The following DHX30 variants were observed in gnomAD, a reference collection of about 807,000 sequenced individuals.
The protein encoded by DHX30 is DExH-box helicase 30, also known as ATP-dependent RNA helicase DHX30.
Under a neutral mutation model 116.9 loss-of-function variants are expected in DHX30, and 4 were observed. That is an observed-to-expected ratio of 0.03 (90% CI 0.02 to 0.08). The LOEUF (loss-of-function observed/expected upper bound fraction) is 0.08. DHX30 is among the 10% of genes least tolerant of loss of function. The pLI, the probability that DHX30 is intolerant of heterozygous loss-of-function variation, is 1.00. For synonymous variants in DHX30, 697 were observed against 651.7 expected (o/e 1.07, Z -1.06); for missense variants, 871 against 1,595.1 (o/e 0.55, Z 7.73).
rs529899508 is a variant in DHX30, at chr3:47,828,946, C to T, written c.256-78C>T. 7.2e-6 allele frequency: 6 copies of T among 835,986 alleles called. No individual in the cohort carries two copies. In the East Asian group the frequency reaches 1.1e-4, roughly 15 times the overall value. 51.8% of individuals were successfully genotyped at this position (835,986 alleles called of 1,614,324 possible). On this transcript the variant is annotated intron_variant, in intron 5 of 21. Transcript: ENST00000445061. ...AGGTCTGCTGCTGTGAGGTCCACCA[C>T]TGTTTATTTTCCATGTAATTTGCAA...
In DHX30 at chr3:47,849,045, C is replaced by T. The variant is rs753961518; in HGVS notation, c.2895C>T (p.Asn965=). Residue 965 remains asparagine (N), a synonymous_variant, in exon 18 of 22, where the codon AAC becomes AAT. Coordinates refer to ENST00000445061, the MANE Select transcript of DHX30 (RefSeq NM_138615.3). ...CCCGGGAGAATTACCTGGAGGAAAACCTGCTGTACGCACCCAGCCTGCGCT... is the reference window on the plus strand; with the variant it reads ...CCCGGGAGAATTACCTGGAGGAAAATCTGCTGTACGCACCCAGCCTGCGCT... ...RSSRENYLEE[N]LLYAPSLRFI... is the part of the protein sequence containing the mutation. 2.8e-5 allele frequency: 45 copies of T among 1,612,736 alleles called. No individual in the cohort carries two copies. Among genetic ancestry groups the T allele is most frequent in the Admixed American group, 1.3e-4 (8 of 59,884 alleles).
chr3:47,847,605 C>T lies in DHX30; in HGVS notation c.2110+69C>T. ...CTGACCTCTGTCCTAGGGACTGACC[C>T]AACTGGGACTCCAGGGGCCCCGGTT... On this transcript the variant is annotated intron_variant, in intron 13 of 21. Coordinates refer to ENST00000445061, the MANE Select transcript of DHX30 (RefSeq NM_138615.3). The surrounding 1 kb of genome is among the most constrained non-coding windows in gnomAD (Gnocchi z 5.5). The T allele has an allele frequency of 6.8e-7, 1 of 1,478,176 alleles. No homozygotes were observed. The highest frequency in any genetic ancestry group is 9.1e-7 in the Non-Finnish European group (1 of 1,101,822). 91.6% of individuals were successfully genotyped at this position (1,478,176 alleles called of 1,614,324 possible).
Position 47,821,418 on chromosome 3 carries a change from A to G in DHX30, c.124+3301A>G, listed in dbSNP as rs535466770. On this transcript the variant is annotated intron_variant, in intron 4 of 21. Transcript: ENST00000445061. ...GTACCGGGGAATACAGGCATGTGCC[A>G]CTATGCCTGGCTAATTTTTTGTATT... 2.0e-5 allele frequency among the ~76,000 whole-genome samples: 3 copies of G among 152,006 alleles called. No homozygotes were observed. The East Asian group carries it at 5.8e-4, about 29-fold the overall frequency.
intron 7 of DHX30, 74 bp from the exon 8 acceptor site, chr3:47,841,543 C>G (rs566223755): frequency 3.1e-6 from 5 of 1,603,082 alleles, no homozygotes; most frequent in Non-Finnish European, 4.3e-6. Context: ...CGTCCTCACC[C>G]CTACATCGCA....
intron 3 of DHX30, among the ~76,000 whole-genome samples, chr3:47,813,649 C>T (rs376359941): frequency 6.0e-4 from 92 of 152,286 alleles, no homozygotes; most frequent in East Asian, 1.9e-3. Flanking sequence ...CATAACAGAA[C>T]GTCTATAACT....
At chr3:47,803,418 G>A (rs1036411453) in intron 1 of DHX30, among the ~76,000 whole-genome samples, 9 of 152,084 alleles carry the variant, frequency 5.9e-5, no homozygotes, top group Non-Finnish European at 8.8e-5. Context: ...GCCAGGCCTC[G>A]GCCTGCCGTT....
chr3:47,803,728 G>A (rs1264683348), intron 1 of DHX30, among the ~76,000 whole-genome samples: 1 of 152,248 alleles, frequency 6.6e-6, no homozygotes, highest in African/African-American at 2.4e-5. Flanking sequence ...GGGAGGCCAA[G>A]GGGTGAGGTA....
At chr3:47,810,849 C>A in intron 3 of DHX30, 138 bp downstream of exon 3, 1 of 852,012 alleles carries the variant, frequency 1.2e-6, no homozygotes, top group Non-Finnish European at 1.9e-6. Flanking sequence ...TTCCTATAGC[C>A]TTCCTTTTGC....
chr3:47,826,645 C>T (rs1278602881), intron 4 of DHX30, among the ~76,000 whole-genome samples: 1 of 152,132 alleles, frequency 6.6e-6, no homozygotes, highest in Non-Finnish European at 1.5e-5. Flanking sequence ...CGAGGTTTCA[C>T]AAGGTTTCAC....
intron 4 of DHX30, chr3:47,819,320 C>A: frequency 5.2e-6 from 7 of 1,358,494 alleles, no homozygotes; most frequent in Non-Finnish European, 5.9e-6. Context: ...GACGGTTAGT[C>A]GGGGTTAACC....
chr3:47,816,638 G>A, intron 3 of DHX30: 5 of 985,486 alleles, frequency 5.1e-6, no homozygotes, highest in Non-Finnish European at 6.0e-6. Context: ...TTATAGGCGT[G>A]AGCCACCGCG....
chr3:47,834,607 C>T (rs1450713086), intron 6 of DHX30, among the ~76,000 whole-genome samples: 2 of 152,198 alleles, frequency 1.3e-5, no homozygotes, highest in East Asian at 3.9e-4. Flanking sequence ...GTAACTGAGA[C>T]TGCAGGTGTG....
At chr3:47,817,821 A>G (rs1161951881) in intron 3 of DHX30, among the ~76,000 whole-genome samples, 3 of 152,166 alleles carry the variant, frequency 2.0e-5, no homozygotes, top group Non-Finnish European at 2.9e-5. Context: ...AGGCTGTCAC[A>G]TATCACATCA....
In DHX30 at chr3:47,848,171, C is replaced by G; in HGVS notation, c.2287-9C>G. ...CATTTGTGTGCTGCTTACTTGCCAC[C>G]TCCTCCAGGTGTCCTGCCTGGAGAC... On this transcript the variant is annotated splice_polypyrimidine_tract_variant and intron_variant, in intron 14 of 21. Transcript: ENST00000445061. The surrounding 1 kb of genome is among the most constrained non-coding windows in gnomAD (Gnocchi z 9.4). 6.2e-7 allele frequency: 1 copy of G among 1,613,328 alleles called. No homozygotes were observed. Among genetic ancestry groups the G allele is most frequent in the Non-Finnish European group, 8.5e-7 (1 of 1,179,766 alleles).
At chr3:47,814,242 TG>T (rs1209502525) in intron 3 of DHX30, among the ~76,000 whole-genome samples, 1 of 150,298 alleles carries the variant, frequency 6.7e-6, no homozygotes, top group Non-Finnish European at 1.5e-5. Context: ...CTGGCCAACA[TG>T]GTGAAACCCC....
chr3:47,845,430 G>A, intron 9 of DHX30: 1 of 229,242 alleles, frequency 4.4e-6, no homozygotes, highest in East Asian at 9.3e-5. Flanking sequence ...CAGGTGATTT[G>A]CCTGCCTCGG....
Position 47,843,390 on chromosome 3 carries a change from T to TA in DHX30, c.939+136dup. ...TTTTGCCTGGCACAAAGACAGCTGG[T>TA]ATGCAGGCCTCGCTTGTAGGCCCTG... is the stretch of plus-strand genomic sequence containing the variant. On this transcript the variant is annotated intron_variant, in intron 9 of 21. Coordinates refer to ENST00000445061, the MANE Select transcript of DHX30 (RefSeq NM_138615.3). 5 of 1,213,450 alleles carry TA rather than the reference T, an allele frequency of 4.1e-6. No homozygotes were observed. In the South Asian group the frequency reaches 5.9e-5, roughly 14 times the overall value. 75.2% of individuals were successfully genotyped at this position (1,213,450 alleles called of 1,614,324 possible).
chr3:47,842,788 T>C, intron 8 of DHX30: 1 of 250,768 alleles, frequency 4.0e-6, no homozygotes, highest in Non-Finnish European at 7.7e-6. Flanking sequence ...TTTTAGCTCA[T>C]GCTGACAGCT....
chr3:47,841,260 C>T, intron 7 of DHX30, 82 bp downstream of exon 7: 3 of 1,543,912 alleles, frequency 1.9e-6, no homozygotes, highest in Non-Finnish European at 2.6e-6. Flanking sequence ...CTAGCTTTCT[C>T]TGAGATGGGA....
Sources: gnomAD v4.1 joint callset for allele counts (sites outside exome capture counted in the v4.1 genomes callset) on GRCh38, gnomAD v4.1.1 for gene constraint, Gnocchi (gnomAD v3.1) non-coding constraint, MANE v1.5 for transcripts, NCBI Gene and HGNC (gene_info 2026-07-23, HGNC 2026-07-21) for gene names.